Variants in FBXW4 observed in about 807,000 individuals in gnomAD.
FBXW4 encodes the protein F-box/WD repeat-containing protein 4.
In FBXW4, 40 loss-of-function variants were observed where a neutral mutation model predicts 61.8. That is an observed-to-expected ratio of 0.65 (90% confidence interval 0.50 to 0.84). FBXW4 has a LOEUF of 0.84. Among genes scored for constraint, FBXW4 ranks in the 40% least tolerant of loss-of-function variants. The probability of loss-of-function intolerance (pLI) is 0.00; values close to 1 mark genes in which losing one functional copy is unlikely to be tolerated. For synonymous variants in FBXW4, 311 were observed against 313.8 expected, an observed-to-expected ratio of 0.99 and a Z score of 0.10; for missense variants, 672 against 753.8, an observed-to-expected ratio of 0.89 and a Z score of 1.27.
At chr10:101,661,438 G>A (rs909476316) in intron 5 of FBXW4, among the ~76,000 whole-genome samples, 4 of 152,200 alleles carry the variant, frequency 2.6e-5, no homozygotes, top group Non-Finnish European at 5.9e-5. Context: ...GCATATGCAT[G>A]GGCAATGAAC....
At chr10:101,638,603 T>A (rs940390488) in intron 5 of FBXW4, among the ~76,000 whole-genome samples, 1 of 152,100 alleles carries the variant, frequency 6.6e-6, no homozygotes, top group Non-Finnish European at 1.5e-5. Flanking sequence ...TAGAACATAT[T>A]TATGTATCAC....
At chr10:101,673,992 G>A (rs868721386) in intron 2 of FBXW4, among the ~76,000 whole-genome samples, 1 of 152,050 alleles carries the variant, frequency 6.6e-6, no homozygotes, top group Non-Finnish European at 1.5e-5. Context: ...TCATGGGTAC[G>A]CAGAGCTTAC....
chr10:101,662,742 C>A (rs1226632378), intron 5 of FBXW4, among the ~76,000 whole-genome samples: 1 of 152,174 alleles, frequency 6.6e-6, no homozygotes, highest in East Asian at 1.9e-4. Context: ...GCGCCTCTCC[C>A]TTCCCCTCCC....
rs756331921 is a variant in FBXW4, at chr10:101,668,000, T to G, written c.1141-20A>C. 5 of 1,598,624 alleles carry G rather than the reference T, an allele frequency of 3.1e-6. No individual in the cohort carries two copies. The highest frequency in any genetic ancestry group is 4.3e-6 in the Non-Finnish European group (5 of 1,165,850). On this transcript the variant is annotated intron_variant, in intron 4 of 8. Coordinates refer to ENST00000331272, the MANE Select transcript of FBXW4 (RefSeq NM_022039.4). ...CCACACCTAGAAACAGGAGAGGAGA[T>G]GCTCTCGTTGGCATTGCCTGGGATC...
intron 1 of FBXW4, among the ~76,000 whole-genome samples, chr10:101,692,617 T>C (rs1413664842): frequency 6.6e-6 from 1 of 151,620 alleles, no homozygotes; most frequent in African/African-American, 2.4e-5. Context: ...TAGCTGGGTG[T>C]GGTGGTGCAT....
intron 1 of FBXW4, among the ~76,000 whole-genome samples, chr10:101,680,505 C>T (rs1252729054): frequency 2.0e-5 from 3 of 152,034 alleles, no homozygotes; most frequent in African/African-American, 7.2e-5. Context: ...AAGATAACAC[C>T]CTGTCTCCAA....
rs185205519 is a variant in FBXW4 at position 101,636,076 on chromosome 10, G to A, written c.1236-11266C>T. Among the ~76,000 whole-genome samples, 9 of 152,234 alleles carry A rather than the reference G, an allele frequency of 5.9e-5. No individual in the cohort carries two copies. The East Asian group carries it at 7.7e-4, about 13-fold the overall frequency. ...GTAAGAATTGCAAATTAGGCCAGGC[G>A]TGGTGGTTCACACCTGTAATCCCAG... On this transcript the variant is annotated intron_variant, in intron 5 of 8. Coordinates refer to ENST00000331272, the MANE Select transcript of FBXW4 (RefSeq NM_022039.4).
At chr10:101,652,442 C>G (rs1378711321) in intron 5 of FBXW4, among the ~76,000 whole-genome samples, 13 of 152,146 alleles carry the variant, frequency 8.5e-5, no homozygotes. Flanking sequence ...CTTACCATCT[C>G]TAGCTCAGTT....
At chr10:101,625,996 C>G (rs532713418) in intron 5 of FBXW4, 2 of 152,342 alleles carry the variant, frequency 1.3e-5, no homozygotes, top group South Asian at 4.2e-4. Flanking sequence ...GGAGGTTGGC[C>G]TGCCAGTTGC....
At chr10:101,617,148 C>G (rs1173516150) in intron 6 of FBXW4, among the ~76,000 whole-genome samples, 1 of 152,186 alleles carries the variant, frequency 6.6e-6, no homozygotes, top group Admixed American at 6.5e-5. Context: ...GTGTTTTACT[C>G]GTATCAGCCC....
Position 101,694,221 on chromosome 10 carries a change from C to T in FBXW4, c.725+160G>A. 6.6e-6 allele frequency among the ~76,000 whole-genome samples: 1 copy of T among 152,164 alleles called. No homozygotes were observed. Among genetic ancestry groups the T allele is most frequent in the Non-Finnish European group, 1.5e-5 (1 of 68,022 alleles). On this transcript the variant is annotated intron_variant, in intron 1 of 8. Transcript: ENST00000331272. The surrounding 1 kb of genome is among the most constrained non-coding windows in gnomAD (Gnocchi z 6.0). ...CTTGGGGAGGAGGGGCAAAGGGGTCCCCGAGAGTGCTCGGGAAAGGGTGTA... is the reference window on the plus strand; with the variant it reads ...CTTGGGGAGGAGGGGCAAAGGGGTCTCCGAGAGTGCTCGGGAAAGGGTGTA...
chr10:101,623,858 G>T (rs1240988379), intron 6 of FBXW4, among the ~76,000 whole-genome samples: 1 of 152,178 alleles, frequency 6.6e-6, no homozygotes, highest in Non-Finnish European at 1.5e-5. Context: ...TTCCATTTAT[G>T]TAACATTTGC....
rs1564922497 is a variant in FBXW4, at chr10:101,672,936, G to T, written c.1119C>A (p.Gly373=). The T allele has an allele frequency of 6.2e-7, 1 of 1,614,016 alleles. No homozygotes were observed. Residue 373 remains glycine, a synonymous_variant, in exon 4 of 9, where the codon GGC becomes GGA. Coordinates refer to ENST00000331272, the MANE Select transcript of FBXW4 (RefSeq NM_022039.4). ...TCACCTTGGCCGTCCTGTCCCTGGA[G>T]CCACTCACAATGATGCCCCCTTTGC... ...VDCKGGIIVS[G]SRDRTAKVWP... is the part of the protein sequence containing the mutation.
At chr10:101,658,589 G>A (rs2064213537) in intron 5 of FBXW4, among the ~76,000 whole-genome samples, 1 of 151,924 alleles carries the variant, frequency 6.6e-6, no homozygotes, top group African/African-American at 2.4e-5. Context: ...AAATGAGGAA[G>A]GTAAGACTTG....
chr10:101,654,319 A>G (rs1172734605), intron 5 of FBXW4, among the ~76,000 whole-genome samples: 1 of 152,080 alleles, frequency 6.6e-6, no homozygotes, highest in East Asian at 1.9e-4. Flanking sequence ...CAACTTTATA[A>G]ATTTTCTAAA....
At chr10:101,644,686 G>A (rs1428478097) in intron 5 of FBXW4, among the ~76,000 whole-genome samples, 1 of 152,258 alleles carries the variant, frequency 6.6e-6, no homozygotes, top group East Asian at 1.9e-4. Flanking sequence ...AGACCTTTCA[G>A]AGCCCTGTCT....
chr10:101,676,093 T>C (rs1490732360), intron 2 of FBXW4, among the ~76,000 whole-genome samples: 1 of 152,210 alleles, frequency 6.6e-6, no homozygotes, highest in Non-Finnish European at 1.5e-5. Flanking sequence ...TTTCTTCAAA[T>C]TTCTAAAATA....
Position 101,694,255 on chromosome 10 carries a change from T to G in FBXW4, c.725+126A>C. On this transcript the variant is annotated intron_variant, in intron 1 of 8. Transcript: ENST00000331272. The surrounding 1 kb of genome is among the most constrained non-coding windows in gnomAD (Gnocchi z 6.0). ...GCTCGGGAAAGGGTGTAGGCGGAGGTCAGGTGTAGGCCTAGAAACTCGGGG... is the reference window on the plus strand; with the variant it reads ...GCTCGGGAAAGGGTGTAGGCGGAGGGCAGGTGTAGGCCTAGAAACTCGGGG... The G allele has an allele frequency of 3.4e-6, 3 of 881,646 alleles. No individual in the cohort carries two copies. Among genetic ancestry groups the G allele is most frequent in the South Asian group, 3.3e-5 (1 of 30,458 alleles). The allele number at this position is 881,646 out of a possible 1,614,324, so 54.6% of individuals were successfully genotyped here.
chr10:101,625,803 T>G (rs1239925833), intron 5 of FBXW4: 1 of 152,226 alleles, frequency 6.6e-6, no homozygotes, highest in East Asian at 1.9e-4. Flanking sequence ...TGTCCCTGCA[T>G]GTCTTTCATG....
Sources: allele counts gnomAD v4.1 joint callset (sites outside exome capture counted in the v4.1 genomes callset), GRCh38; gene constraint gnomAD v4.1.1; non-coding constraint Gnocchi (gnomAD v3.1); transcripts MANE v1.5; gene names NCBI Gene and HGNC (gene_info 2026-07-23, HGNC 2026-07-21).